The following UBE2W variants were observed in gnomAD, a reference collection of about 807,000 sequenced individuals.
UBE2W encodes the protein ubiquitin conjugating enzyme E2 W, also known as ubiquitin-conjugating enzyme E2 W.
In UBE2W, 18 loss-of-function variants were observed where a neutral mutation model predicts 27.2. That is an observed-to-expected ratio of 0.66 (90% CI 0.46 to 0.98). UBE2W has a LOEUF of 0.98. Among genes scored for constraint, UBE2W ranks in the 50% least tolerant of loss-of-function variants. The probability of loss-of-function intolerance (pLI) is 0.00; values close to 1 mark genes in which losing one functional copy is unlikely to be tolerated. For missense variants in UBE2W, 90 were observed against 180.2 expected (o/e 0.50, Z 2.87); for synonymous variants, 53 against 57.2 (o/e 0.93, Z 0.33).
chr8:73,857,247 GAA>G (rs573917424), intron 1 of UBE2W, among the ~76,000 whole-genome samples: 1 of 148,318 alleles, frequency 6.7e-6, no homozygotes, highest in Non-Finnish European at 1.5e-5. Context: ...CAACAAGTAG[GAA>G]AAAAAAAATC....
intron 1 of UBE2W, among the ~76,000 whole-genome samples, chr8:73,869,087 G>T (rs946001967): frequency 6.6e-6 from 1 of 152,132 alleles, no homozygotes; most frequent in Non-Finnish European, 1.5e-5. Flanking sequence ...ACTTGGCTAC[G>T]AAAAGGAATA....
At chr8:73,863,374 A>T (rs1351031608) in intron 1 of UBE2W, among the ~76,000 whole-genome samples, 1 of 147,398 alleles carries the variant, frequency 6.8e-6, no homozygotes, top group Non-Finnish European at 1.5e-5. Context: ...TGGGAATTGA[A>T]CAATGAGATC....
intron 3 of UBE2W, among the ~76,000 whole-genome samples, chr8:73,820,947 C>T (rs1413687211): frequency 6.6e-6 from 1 of 151,950 alleles, no homozygotes; most frequent in Non-Finnish European, 1.5e-5. Context: ...ACTCTGTCTC[C>T]GCACCCCCAC....
chr8:73,858,879 CGTGT>C (rs5892434), intron 1 of UBE2W, among the ~76,000 whole-genome samples: 7,827 of 141,334 alleles, frequency 0.055, 640 homozygotes, highest in African/African-American at 0.18. Flanking sequence ...TTTTTGCGTG[CGTGT>C]GTGTGTGTGT....
intron 1 of UBE2W, among the ~76,000 whole-genome samples, chr8:73,841,102 CAACT>C (rs1185611530): frequency 6.6e-6 from 1 of 152,048 alleles, no homozygotes; most frequent in Non-Finnish European, 1.5e-5. Flanking sequence ...ATCTAACAAC[CAACT>C]AAAGATGGAA....
chr8:73,845,534 TC>T (rs1420846209), intron 1 of UBE2W, among the ~76,000 whole-genome samples: 1 of 151,948 alleles, frequency 6.6e-6, no homozygotes, highest in East Asian at 1.9e-4. Context: ...TCATCACCAC[TC>T]CCTAATCTCA....
At chr8:73,829,074 A>G (rs1191893229) in intron 2 of UBE2W, among the ~76,000 whole-genome samples, 1 of 152,158 alleles carries the variant, frequency 6.6e-6, no homozygotes, top group Non-Finnish European at 1.5e-5. Flanking sequence ...TGCCTGACCA[A>G]TATCTCGATA....
At chr8:73,800,919 C>T (rs566444567) in intron 5 of UBE2W, among the ~76,000 whole-genome samples, 2 of 152,206 alleles carry the variant, frequency 1.3e-5, no homozygotes, top group Admixed American at 1.3e-4. Context: ...ATGGAGAAAC[C>T]TCATCTCTAT....
intron 4 of UBE2W, among the ~76,000 whole-genome samples, chr8:73,807,831 G>C (rs1808981237): frequency 6.6e-6 from 1 of 152,064 alleles, no homozygotes; most frequent in African/African-American, 2.4e-5. Context: ...AAATGATCAG[G>C]GAGATACAGT....
intron 1 of UBE2W, among the ~76,000 whole-genome samples, chr8:73,861,349 A>G (rs958360618): frequency 6.6e-6 from 1 of 152,202 alleles, no homozygotes; most frequent in Non-Finnish European, 1.5e-5. Context: ...TACAAGGACT[A>G]GCAATAATAA....
In UBE2W at chr8:73,825,312, G is replaced by T. The variant is rs532650804; in HGVS notation, c.108-63C>A. On this transcript the variant is annotated intron_variant, in intron 2 of 5. Transcript: ENST00000602593. Reference sequence around the variant, plus strand: ...AGAGACTGGGGTAAGGAGGAGAAAAGAGGACACCAAGTACTTCCTATACAC... The same window carrying T: ...AGAGACTGGGGTAAGGAGGAGAAAATAGGACACCAAGTACTTCCTATACAC... 185 of 1,212,186 alleles carry T rather than the reference G, an allele frequency of 1.5e-4. 2 individuals are homozygous for T. The South Asian group carries it at 2.5e-3, about 16-fold the overall frequency. The allele number at this position is 1,212,186 out of a possible 1,614,324, so 75.1% of individuals were successfully genotyped here. A position where few individuals can be genotyped will look rare whatever the true frequency, so the allele number is the denominator to read the frequency against.
At position 73,787,917 on chromosome 8, in the gene UBE2W, A is replaced by G; in HGVS notation, c.*6185T>C. On this transcript the variant is annotated 3_prime_UTR_variant, in exon 6 of 6. Transcript: ENST00000602593. ...TTATTAAAACACTAAAACTAGCTAC[A>G]TATTACATAAAGGTGATGTGTTAAA... 2 of 985,418 alleles carry G rather than the reference A, an allele frequency of 2.0e-6. No individual in the cohort carries two copies. The highest frequency in any genetic ancestry group is 2.4e-6 in the Non-Finnish European group (2 of 829,904). 61.0% of individuals were successfully genotyped at this position (985,418 alleles called of 1,614,324 possible). A position where few individuals can be genotyped will look rare whatever the true frequency, so the allele number is the denominator to read the frequency against.
chr8:73,844,011 T>C (rs1563612474), intron 1 of UBE2W, among the ~76,000 whole-genome samples: 3 of 152,034 alleles, frequency 2.0e-5, no homozygotes, highest in Admixed American at 2.0e-4. Flanking sequence ...GTAACAACAA[T>C]AATAATGCCT....
At chr8:73,828,590 A>G (rs1002168247) in intron 2 of UBE2W, among the ~76,000 whole-genome samples, 11 of 152,146 alleles carry the variant, frequency 7.2e-5, no homozygotes, top group African/African-American at 2.7e-4. Flanking sequence ...ATATTTTTTA[A>G]GGTCTCAATA....
intron 5 of UBE2W, among the ~76,000 whole-genome samples, 197 bp downstream of exon 5, chr8:73,805,454 C>CAAAAAAAAAAAAAAAAACAAAAAAA (rs1808838453): frequency 6.9e-5 from 1 of 14,580 alleles, no homozygotes; most frequent in African/African-American, 2.1e-4. Context: ...AACTCCATCT[C>CAAAAAAAAAAAAAAAAACAAAAAAA]AAAAAAAAAA....
intron 1 of UBE2W, among the ~76,000 whole-genome samples, chr8:73,842,013 G>A (rs1023329422): frequency 2.0e-5 from 3 of 152,122 alleles, no homozygotes; most frequent in African/African-American, 7.2e-5. Flanking sequence ...ATAAAAAGTA[G>A]TCCAGGAAGT....
At chr8:73,862,257 T>C (rs1472444098) in intron 1 of UBE2W, among the ~76,000 whole-genome samples, 1 of 152,218 alleles carries the variant, frequency 6.6e-6, no homozygotes, top group African/African-American at 2.4e-5. Context: ...GGTGAAACCC[T>C]GTCTCTATTA....
chr8:73,876,954 C>G (rs895802958), intron 1 of UBE2W, among the ~76,000 whole-genome samples: 3 of 151,898 alleles, frequency 2.0e-5, no homozygotes, highest in Non-Finnish European at 4.4e-5. Flanking sequence ...GCAACAAGAG[C>G]GAAACTCCAT....
At chr8:73,813,562 T>A (rs756632843) in intron 3 of UBE2W, among the ~76,000 whole-genome samples, 1 of 152,220 alleles carries the variant, frequency 6.6e-6, no homozygotes, top group East Asian at 1.9e-4. Context: ...GGGAATTGCA[T>A]GTAATAGGTA....
Sources: gnomAD v4.1 joint callset for allele counts (sites outside exome capture counted in the v4.1 genomes callset) on GRCh38, gnomAD v4.1.1 for gene constraint, MANE v1.5 for transcripts, NCBI Gene and HGNC (gene_info 2026-07-23, HGNC 2026-07-21) for gene names.